RBM41: variants seen among roughly 807,000 people sequenced by gnomAD.
RBM41 encodes the protein RNA-binding protein 41.
RBM41 carries 14 observed loss-of-function variants against 30.8 expected under a neutral mutation model. The ratio of observed to expected loss-of-function variants is 0.45; its 90% CI spans 0.30 to 0.71. The LOEUF (loss-of-function observed/expected upper bound fraction) is 0.71. Ranked by LOEUF, RBM41 falls within the 30% of genes least tolerant of loss-of-function variation. The probability of loss-of-function intolerance (pLI) is 0.08; values close to 1 mark genes in which losing one functional copy is unlikely to be tolerated. For synonymous variants in RBM41, 120 were observed against 110.1 expected (o/e 1.09, Z -0.56); for missense variants, 276 against 326.3 (o/e 0.85, Z 1.19).
intron 5 of RBM41, among the ~76,000 whole-genome samples, chrX:107,103,121 G>A (rs1923604463): frequency 9.0e-6 from 1 of 110,885 alleles, no homozygotes; most frequent in Non-Finnish European, 1.9e-5. Flanking sequence ...GACTTTTGGG[G>A]ATGTTATGTA....
intron 6 of RBM41, among the ~76,000 whole-genome samples, chrX:107,078,280 G>A (rs1354710526): frequency 9.0e-6 from 1 of 111,148 alleles, no homozygotes; most frequent in African/African-American, 3.3e-5. Flanking sequence ...TACTCTTTTG[G>A]AAAGAAGTCA....
chrX:107,060,328 A>G (rs1454547288), downstream of RBM41, among the ~76,000 whole-genome samples: 2 of 110,258 alleles, frequency 1.8e-5, no homozygotes, highest in African/African-American at 6.6e-5. Context: ...TTAATCATCA[A>G]TGTGATCAAT....
At chrX:107,118,091 T>G (rs748325927) in intron 1 of RBM41, among the ~76,000 whole-genome samples, 5 of 111,104 alleles carry the variant, frequency 4.5e-5, no homozygotes, top group Non-Finnish European at 9.4e-5. Flanking sequence ...GCAGAGTGAA[T>G]CTAAAATTAA....
intron 5 of RBM41, among the ~76,000 whole-genome samples, chrX:107,100,976 T>C (rs1390951568): frequency 8.9e-6 from 1 of 112,109 alleles, no homozygotes; most frequent in African/African-American, 3.2e-5. Context: ...TCAAATATAA[T>C]TGCCAGAAAA....
chrX:107,107,836 A>C (rs528707113), intron 5 of RBM41, among the ~76,000 whole-genome samples: 3 of 111,382 alleles, frequency 2.7e-5, no homozygotes, highest in African/African-American at 9.8e-5. Context: ...AGGGTTGAAG[A>C]GATGGTATGT....
At chrX:107,061,032 A>G (rs775618642), downstream of RBM41, among the ~76,000 whole-genome samples, 9 of 111,563 alleles carry the variant, frequency 8.1e-5, no homozygotes, top group Admixed American at 1.9e-4. Flanking sequence ...ATTATACAAT[A>G]TAACTGACCA....
At position 107,066,764 on chromosome X, in the gene RBM41, A is replaced by G. The variant is rs1935856910; in HGVS notation, c.*763T>C. 1.3e-6 allele frequency: 1 copy of G among 746,885 alleles called. No individual in the cohort carries two copies. Among genetic ancestry groups the G allele is most frequent in the African/African-American group, 2.3e-5 (1 of 42,920 alleles). 61.6% of individuals were successfully genotyped at this position (746,885 alleles called of 1,213,427 possible). A position where few individuals can be genotyped will look rare whatever the true frequency, so the allele number is the denominator to read the frequency against. The stretch of plus-strand genomic sequence containing the variant: ...CTTTTCTAGAGAACGCTTTATTTCC[A>G]TTTCCGTTTGGCATTCTTTGCTTGT... On this transcript the variant is annotated 3_prime_UTR_variant, in exon 8 of 8. Transcript: ENST00000685964.
intron 7 of RBM41, among the ~76,000 whole-genome samples, chrX:107,068,534 T>C (rs1463801527): frequency 9.0e-6 from 1 of 111,548 alleles, no homozygotes; most frequent in Non-Finnish European, 1.9e-5. Flanking sequence ...ACCACTGGTA[T>C]AGCGGATTTA....
chrX:107,115,614 A>G, intron 3 of RBM41, 58 bp from the exon 4 acceptor site: 2 of 1,024,613 alleles, frequency 2.0e-6, no homozygotes, highest in Non-Finnish European at 2.7e-6. Context: ...GAACATGATG[A>G]TCTGGTATCT....
chrX:107,107,342 G>T (rs903363471), intron 5 of RBM41, among the ~76,000 whole-genome samples: 1 of 111,851 alleles, frequency 8.9e-6, no homozygotes, highest in African/African-American at 3.2e-5. Context: ...CATGAAGCAG[G>T]AAATGGATGA....
intron 6 of RBM41, among the ~76,000 whole-genome samples, chrX:107,085,232 T>C (rs1298936816): frequency 1.9e-5 from 2 of 107,064 alleles, no homozygotes. Flanking sequence ...ATATTAGAAT[T>C]CTTATTGTTT....
At chrX:107,087,399 C>T (rs1372591100) in intron 6 of RBM41, among the ~76,000 whole-genome samples, 3 of 110,557 alleles carry the variant, frequency 2.7e-5, no homozygotes, top group Admixed American at 9.6e-5. Flanking sequence ...TTTTTTAATT[C>T]AGAGACAGTC....
At chrX:107,118,725 C>T in intron 1 of RBM41, 41 bp downstream of exon 1, 1 of 1,210,058 alleles carries the variant, frequency 8.3e-7, no homozygotes, top group Non-Finnish European at 1.1e-6. Context: ...AAAGGTAGAA[C>T]AAAGCTCCCC....
At chrX:107,060,867 T>C (rs1278518834), downstream of RBM41, among the ~76,000 whole-genome samples, 1 of 111,481 alleles carries the variant, frequency 9.0e-6, no homozygotes, top group Non-Finnish European at 1.9e-5. Flanking sequence ...AACACCCCTT[T>C]AAGCAAGTGA....
At chrX:107,105,045 G>C (rs764241888) in intron 5 of RBM41, among the ~76,000 whole-genome samples, 1 of 110,336 alleles carries the variant, frequency 9.1e-6, no homozygotes, top group East Asian at 2.9e-4. Context: ...AAGAAATAAA[G>C]GGTATTCAAT....
the RBM41 span, among the ~76,000 whole-genome samples, chrX:107,052,117 T>G: frequency 9.0e-6 from 1 of 111,420 alleles, no homozygotes; most frequent in Admixed American, 9.5e-5. Flanking sequence ...TCTAGACTTA[T>G]TTTAATTATT....
chrX:107,113,359 TTCCTA>T, intron 5 of RBM41, 33 bp downstream of exon 5: 1 of 981,861 alleles, frequency 1.0e-6, no homozygotes, highest in Non-Finnish European at 1.3e-6. Flanking sequence ...CTAGGTTACA[TTCCTA>T]AGTCTAACAC....
intron 6 of RBM41, among the ~76,000 whole-genome samples, chrX:107,086,336 T>C (rs745408573): frequency 9.2e-4 from 102 of 111,282 alleles, no homozygotes; most frequent in African/African-American, 3.0e-3. Flanking sequence ...TCAGAATCTC[T>C]TGGGAACTTG....
At chrX:107,079,749 C>T (rs1038538564) in intron 6 of RBM41, among the ~76,000 whole-genome samples, 8 of 110,493 alleles carry the variant, frequency 7.2e-5, no homozygotes, top group African/African-American at 1.3e-4. Context: ...ATAATTTTAC[C>T]GCCCTAAAGA....
Sources: allele counts gnomAD v4.1 joint callset (sites outside exome capture counted in the v4.1 genomes callset), GRCh38; gene constraint gnomAD v4.1.1; transcripts MANE v1.5; gene names NCBI Gene and HGNC (gene_info 2026-07-23, HGNC 2026-07-21).